TRIP4: variants seen among roughly 807,000 people sequenced by gnomAD.
TRIP4 encodes the protein activating signal cointegrator 1.
TRIP4 carries 54 observed loss-of-function variants against 81.8 expected under a neutral mutation model. The ratio of observed to expected loss-of-function variants is 0.66; its 90% confidence interval spans 0.53 to 0.83. The LOEUF (loss-of-function observed/expected upper bound fraction) is 0.83. Ranked by LOEUF, TRIP4 falls within the 40% of genes least tolerant of loss-of-function variation. TRIP4 has a pLI of 0.00. For synonymous variants in TRIP4, 270 were observed against 242.8 expected (o/e 1.11, Z -1.04); for missense variants, 662 against 683.6 (o/e 0.97, Z 0.35).
Position 64,387,861 on chromosome 15 carries a change from A to C in TRIP4, c.-3A>C, listed in dbSNP as rs367610819. ...GCAGCTCAGCTGGTTCCGGCTGGGG[A>C]AGATGGCGGTGGCTGGGGCGGTGTC... On this transcript the variant is annotated 5_prime_UTR_variant, in exon 1 of 13. Coordinates refer to ENST00000261884, the MANE Select transcript of TRIP4 (RefSeq NM_016213.5). The C allele has an allele frequency of 2.1e-5, 33 of 1,543,934 alleles. No individual in the cohort carries two copies. In the African/African-American group the frequency reaches 4.0e-4, roughly 19 times the overall value.
chr15:64,427,304 C>T (rs1892171303), intron 11 of TRIP4, among the ~76,000 whole-genome samples: 2 of 152,182 alleles, frequency 1.3e-5, no homozygotes, highest in South Asian at 4.1e-4. Flanking sequence ...TTCAGACTTA[C>T]TTACCTTTCA....
intron 1 of TRIP4, 140 bp downstream of exon 1, chr15:64,388,104 T>A: frequency 2.3e-6 from 3 of 1,317,902 alleles, no homozygotes; most frequent in Non-Finnish European, 2.9e-6. Flanking sequence ...GGCGTCGAAT[T>A]TTGGCCTCCA....
rs750502528 is a variant in TRIP4, at chr15:64,394,034, A to C, written c.190A>C (p.Ile64Leu). Reference sequence around the variant, plus strand: ...AAATGAAGGCAAAAAAGGTCAATTCATAGAAGAACTTATAACCAAATGGCA... The same window carrying C: ...AAATGAAGGCAAAAAAGGTCAATTCCTAGAAGAACTTATAACCAAATGGCA... ...QGNEGKKGQFIEELITKWQKN... is the reference protein window; with the variant it reads ...QGNEGKKGQFLEELITKWQKN... Residue 64 changes from isoleucine to leucine, a missense_variant, in exon 2 of 13, where the codon ATA (isoleucine) becomes CTA (leucine). Physicochemically the swap from Ile to Leu is conservative, Grantham distance 5. Transcript: ENST00000261884. The C allele has an allele frequency of 6.2e-7, 1 of 1,612,718 alleles. No homozygotes were observed. Among genetic ancestry groups the C allele is most frequent in the Middle Eastern group, 1.7e-4 (1 of 6,058 alleles).
intron 4 of TRIP4, 130 bp from the exon 5 acceptor site, chr15:64,400,613 A>G: frequency 1.5e-6 from 1 of 666,770 alleles, no homozygotes; most frequent in Non-Finnish European, 2.5e-6. Context: ...GTGTGTTTGG[A>G]TTAAAAAACA....
intron 11 of TRIP4, among the ~76,000 whole-genome samples, chr15:64,441,367 G>T (rs1192883562): frequency 6.6e-6 from 1 of 152,082 alleles, no homozygotes; most frequent in Non-Finnish European, 1.5e-5. Flanking sequence ...CCTAGATGCT[G>T]ATGAGTAAAC....
intron 11 of TRIP4, among the ~76,000 whole-genome samples, chr15:64,431,682 G>A (rs2140304899): frequency 6.6e-6 from 1 of 151,166 alleles, no homozygotes; most frequent in East Asian, 2.0e-4. Context: ...CTCCAGCCTG[G>A]GCAACAGCGT....
rs540517475 is a variant in TRIP4 at position 64,391,002 on chromosome 15, C to T, written c.102-2944C>T. On this transcript the variant is annotated intron_variant, in intron 1 of 12. Transcript: ENST00000261884. ...ATTTGTTAGGTATTCACTAGTATTC[C>T]ACAACAGGCTATTATGCCATGATGA... Among the ~76,000 whole-genome samples, 3 of 152,310 alleles carry T rather than the reference C, an allele frequency of 2.0e-5. No individual in the cohort carries two copies. The East Asian group carries it at 5.8e-4, about 29-fold the overall frequency.
In TRIP4 at chr15:64,388,298, T is replaced by C. The variant is rs180884770; in HGVS notation, c.101+334T>C. ...TCCTAACTTTGAACCCCTTACTCTT[T>C]TATTTATTTATTATTATTGTTGTTA... On this transcript the variant is annotated intron_variant, in intron 1 of 12. Coordinates refer to ENST00000261884, the MANE Select transcript of TRIP4 (RefSeq NM_016213.5). Among the ~76,000 whole-genome samples the C allele has an allele frequency of 1.6e-4, 25 of 152,160 alleles. No individual in the cohort carries two copies. The East Asian group carries it at 4.8e-3, about 29-fold the overall frequency.
intron 11 of TRIP4, among the ~76,000 whole-genome samples, chr15:64,431,402 T>C (rs1311659609): frequency 6.6e-6 from 1 of 152,126 alleles, no homozygotes; most frequent in Non-Finnish European, 1.5e-5. Context: ...GGAATTCTCT[T>C]GAAGACTGGA....
chr15:64,439,618 G>A (rs1305087259), intron 11 of TRIP4, among the ~76,000 whole-genome samples: 1 of 138,014 alleles, frequency 7.2e-6, no homozygotes, highest in Non-Finnish European at 1.5e-5. Flanking sequence ...CCACCTCCCA[G>A]GTTCAGGTGA....
At chr15:64,450,941 G>T (rs561808993) in intron 12 of TRIP4, 235 of 226,466 alleles carry the variant, frequency 1.0e-3, no homozygotes, top group Non-Finnish European at 1.8e-3. Flanking sequence ...AAAATGATAT[G>T]TCTTTTTTTC....
chr15:64,408,916 C>T (rs1178560879), intron 6 of TRIP4, among the ~76,000 whole-genome samples: 1 of 151,934 alleles, frequency 6.6e-6, no homozygotes, highest in Non-Finnish European at 1.5e-5. Context: ...AATAGAATGT[C>T]TTAAGAGTAA....
intron 9 of TRIP4, among the ~76,000 whole-genome samples, chr15:64,419,173 T>C (rs1891952472): frequency 6.6e-6 from 1 of 152,228 alleles, no homozygotes; most frequent in African/African-American, 2.4e-5. Flanking sequence ...TTTATTTTCC[T>C]GTCCATATAT....
At chr15:64,433,953 T>A (rs1190149506) in intron 11 of TRIP4, among the ~76,000 whole-genome samples, 1 of 152,086 alleles carries the variant, frequency 6.6e-6, no homozygotes, top group Non-Finnish European at 1.5e-5. Context: ...ATCGTTAGTG[T>A]ATTTTATGTG....
intron 12 of TRIP4, among the ~76,000 whole-genome samples, chr15:64,452,887 A>T (rs1892802465): frequency 6.6e-6 from 1 of 152,098 alleles, no homozygotes; most frequent in Non-Finnish European, 1.5e-5. Context: ...TAGGATTAAA[A>T]CTGAGTTTTT....
chr15:64,421,604 G>A (rs1298321314), intron 9 of TRIP4, among the ~76,000 whole-genome samples: 1 of 151,954 alleles, frequency 6.6e-6, no homozygotes, highest in Non-Finnish European at 1.5e-5. Context: ...CCAAAGTGCT[G>A]GGATTACAGA....
chr15:64,401,304 T>C (rs1366699172), intron 5 of TRIP4, among the ~76,000 whole-genome samples: 2 of 152,004 alleles, frequency 1.3e-5, no homozygotes, highest in African/African-American at 4.8e-5. Flanking sequence ...CTGGCTAATG[T>C]TTTGTATTTT....
At chr15:64,432,388 C>T (rs1012284834) in intron 11 of TRIP4, among the ~76,000 whole-genome samples, 10 of 151,888 alleles carry the variant, frequency 6.6e-5, no homozygotes, top group Admixed American at 3.3e-4. Flanking sequence ...CCGATGCAGG[C>T]GGATCACTCA....
chr15:64,425,808 C>T (rs1892129978), intron 11 of TRIP4, among the ~76,000 whole-genome samples, 177 bp downstream of exon 11: 1 of 152,078 alleles, frequency 6.6e-6, no homozygotes, highest in African/African-American at 2.4e-5. Flanking sequence ...CCAGGCCGGG[C>T]GCTGGTGGCT....
Sources: gnomAD v4.1 joint callset for allele counts (sites outside exome capture counted in the v4.1 genomes callset) on GRCh38, gnomAD v4.1.1 for gene constraint, MANE v1.5 for transcripts, NCBI Gene and HGNC (gene_info 2026-07-23, HGNC 2026-07-21) for gene names.